The following TTLL11 variants were observed in gnomAD, a reference collection of about 807,000 sequenced individuals.
TTLL11 encodes the protein tubulin polyglutamylase TTLL11.
TTLL11 carries 42 observed loss-of-function variants against 51.7 expected under a neutral mutation model. The ratio of observed to expected loss-of-function variants is 0.81; its 90% CI spans 0.64 to 1.05. The LOEUF is 1.05. Ranked by LOEUF, TTLL11 falls within the 50% of genes least tolerant of loss-of-function variation. The pLI, the probability that TTLL11 is intolerant of heterozygous loss-of-function variation, is 0.00. For synonymous variants in TTLL11, 381 were observed against 383.5 expected (o/e 0.99, Z 0.08); for missense variants, 799 against 940.4 (o/e 0.85, Z 1.97).
chr9:121,985,513 C>CTTTTTT (rs71371908), intron 4 of TTLL11, among the ~76,000 whole-genome samples: 137 of 97,240 alleles, frequency 1.4e-3, no homozygotes, highest in Non-Finnish European at 1.9e-3. Flanking sequence ...ATTTTCTTTT[C>CTTTTTT]TTTTTTTTTT....
chr9:122,016,208 TC>T (rs1362408493), intron 3 of TTLL11, among the ~76,000 whole-genome samples: 7 of 151,974 alleles, frequency 4.6e-5, no homozygotes, highest in African/African-American at 1.7e-4. Flanking sequence ...AGATGGGTGC[TC>T]CAGGCAAAAA....
chr9:121,955,408 T>C (rs1162243000), intron 6 of TTLL11, among the ~76,000 whole-genome samples: 1 of 152,144 alleles, frequency 6.6e-6, no homozygotes, highest in Non-Finnish European at 1.5e-5. Context: ...AGGGGAACAA[T>C]AAGGAAAATC....
At chr9:121,912,584 A>T (rs945795107) in intron 6 of TTLL11, among the ~76,000 whole-genome samples, 3 of 151,974 alleles carry the variant, frequency 2.0e-5, no homozygotes, top group Non-Finnish European at 4.4e-5. Flanking sequence ...CCTTATATAC[A>T]CATCCACTGT....
intron 1 of TTLL11, among the ~76,000 whole-genome samples, chr9:122,053,678 T>A (rs775009420): frequency 6.6e-6 from 1 of 152,004 alleles, no homozygotes; most frequent in African/African-American, 2.4e-5. Flanking sequence ...GAAAAAAGTA[T>A]GCGCAGGGAG....
intron 6 of TTLL11, among the ~76,000 whole-genome samples, chr9:121,915,032 G>T (rs1437184105): frequency 6.6e-6 from 1 of 152,106 alleles, no homozygotes; most frequent in Non-Finnish European, 1.5e-5. Flanking sequence ...ATTTCATCTC[G>T]ATTTCCTCTG....
At chr9:121,903,189 G>C (rs746168505) in intron 6 of TTLL11, among the ~76,000 whole-genome samples, 8 of 152,098 alleles carry the variant, frequency 5.3e-5, no homozygotes, top group East Asian at 1.9e-4. Context: ...AATGCAACAG[G>C]CTCCCTATTT....
At chr9:121,948,924 G>A (rs919644378) in intron 6 of TTLL11, among the ~76,000 whole-genome samples, 1 of 152,164 alleles carries the variant, frequency 6.6e-6, no homozygotes, top group African/African-American at 2.4e-5. Context: ...ACCAAAATGG[G>A]AATGTGTCCT....
intron 6 of TTLL11, among the ~76,000 whole-genome samples, chr9:121,895,473 GTA>G (rs1489057576): frequency 2.0e-5 from 3 of 151,384 alleles, no homozygotes; most frequent in South Asian, 2.1e-4. Flanking sequence ...ATGTGTGGTT[GTA>G]TGAGTGTTAG....
intron 3 of TTLL11, among the ~76,000 whole-genome samples, chr9:122,023,299 T>G (rs1844229898): frequency 6.6e-6 from 1 of 151,992 alleles, no homozygotes; most frequent in Non-Finnish European, 1.5e-5. Context: ...AAATTGAATT[T>G]GTAGTTAAAA....
intron 6 of TTLL11, among the ~76,000 whole-genome samples, chr9:121,972,872 G>A (rs1842611748): frequency 6.6e-6 from 1 of 152,288 alleles, no homozygotes; most frequent in Non-Finnish European, 1.5e-5. Context: ...CTTGAGCCCA[G>A]GTGGTGAGAA....
chr9:121,977,954 C>T (rs1033463227), intron 4 of TTLL11, among the ~76,000 whole-genome samples: 4 of 152,132 alleles, frequency 2.6e-5, no homozygotes, highest in South Asian at 2.1e-4. Flanking sequence ...GGATTACAGA[C>T]GTGAGCCACC....
At chr9:121,872,289 C>T (rs1838385525) in intron 6 of TTLL11, among the ~76,000 whole-genome samples, 1 of 152,220 alleles carries the variant, frequency 6.6e-6, no homozygotes, top group Admixed American at 6.5e-5. Context: ...ACAGGTCCCT[C>T]TCTCTCATGC....
chr9:121,829,796 C>T (rs1347524480), intron 8 of TTLL11, among the ~76,000 whole-genome samples: 1 of 151,496 alleles, frequency 6.6e-6, no homozygotes, highest in Non-Finnish European at 1.5e-5. Flanking sequence ...CACACACACA[C>T]ACACACACAC....
chr9:122,033,547 C>T (rs1256582342), intron 2 of TTLL11, among the ~76,000 whole-genome samples: 1 of 152,116 alleles, frequency 6.6e-6, no homozygotes, highest in Non-Finnish European at 1.5e-5. Flanking sequence ...ATAGAAAATA[C>T]AAAGTTCCAT....
At position 122,092,723 on chromosome 9, in the gene TTLL11, G is replaced by C. The variant is rs1421228048; in HGVS notation, c.426C>G (p.Ala142=). 1 of 1,537,736 alleles carries C rather than the reference G, an allele frequency of 6.5e-7. No homozygotes were observed. Among genetic ancestry groups the C allele is most frequent in the African/African-American group, 1.4e-5 (1 of 73,074 alleles). The part of the protein sequence containing the change: ...DSSKARTSLD[A]LKISIRQLKW... ...TGAGCTGGCGGATGCTGATCTTCAG[G>C]GCATCCAGGGAGGTCCTGGCCTTGG... is the stretch of plus-strand genomic sequence containing the variant. Residue 142 remains alanine (A), a synonymous_variant, in exon 1 of 9, where the codon GCC becomes GCG. Transcript: ENST00000321582.
chr9:122,091,016 T>G (rs188263065), intron 1 of TTLL11, among the ~76,000 whole-genome samples: 149 of 152,336 alleles, frequency 9.8e-4, no homozygotes, highest in African/African-American at 3.5e-3. Flanking sequence ...GGGTCACATC[T>G]TAAGTATGTT....
chr9:121,816,024 A>C lies in TTLL11; in HGVS notation c.*6563T>G, dbSNP rs1836396938. ...ACAGACATGTATTAAGACACTTCCC[A>C]GGTGCCAAGTCCCGCACCCGGTTCT... On this transcript the variant is annotated 3_prime_UTR_variant, in exon 9 of 9. Transcript: ENST00000321582. 1 of 152,184 alleles carries C rather than the reference A, an allele frequency of 6.6e-6. No homozygotes were observed. The highest frequency in any genetic ancestry group is 1.5e-5 in the Non-Finnish European group (1 of 68,032). 9.4% of individuals were successfully genotyped at this position (152,184 alleles called of 1,614,324 possible). A position where few individuals can be genotyped will look rare whatever the true frequency, so the allele number is the denominator to read the frequency against.
At chr9:121,964,100 T>C (rs1842324496) in intron 6 of TTLL11, among the ~76,000 whole-genome samples, 1 of 151,816 alleles carries the variant, frequency 6.6e-6, no homozygotes, top group East Asian at 1.9e-4. Flanking sequence ...CAAGACTTCA[T>C]GCATTCCAGA....
Position 121,815,675 on chromosome 9 carries a change from C to T in TTLL11, c.*6912G>A, listed in dbSNP as rs1026345263. 1 of 152,182 alleles carries T rather than the reference C, an allele frequency of 6.6e-6. No individual in the cohort carries two copies. Among genetic ancestry groups the T allele is most frequent in the Admixed American group, 6.5e-5 (1 of 15,284 alleles). The allele number at this position is 152,182 out of a possible 1,614,324, so 9.4% of individuals were successfully genotyped here. ...GAACAAACTGTCAATACTTCGCAGT[C>T]GTTTATACAATGAGCCTGTGTTTAG... On this transcript the variant is annotated 3_prime_UTR_variant, in exon 9 of 9. Coordinates refer to ENST00000321582, the MANE Select transcript of TTLL11 (RefSeq NM_001139442.2).
Sources: allele counts gnomAD v4.1 joint callset (sites outside exome capture counted in the v4.1 genomes callset), GRCh38; gene constraint gnomAD v4.1.1; transcripts MANE v1.5; gene names NCBI Gene and HGNC (gene_info 2026-07-23, HGNC 2026-07-21).